The following ITSN1 variants were observed in gnomAD, a reference collection of about 807,000 sequenced individuals.
ITSN1 encodes the protein intersectin-1.
A neutral mutation model predicts 239.8 loss-of-function variants in ITSN1; 58 were observed. The ratio of observed to expected loss-of-function variants is 0.24; its 90% CI spans 0.20 to 0.30. ITSN1 has a LOEUF of 0.30. ITSN1 is among the 10% of genes least tolerant of loss of function. The pLI, the probability that ITSN1 is intolerant of heterozygous loss-of-function variation, is 1.00. For missense variants in ITSN1, 1,558 were observed against 2,103.3 expected (o/e 0.74, Z 5.07); for synonymous variants, 780 against 770.8 (o/e 1.01, Z -0.20).
intron 20 of ITSN1, among the ~76,000 whole-genome samples, chr21:33,805,315 A>C (rs998986408): frequency 6.6e-6 from 1 of 152,228 alleles, no homozygotes; most frequent in Non-Finnish European, 1.5e-5. Context: ...TACTCTTATA[A>C]CAATTTTTAA....
At chr21:33,790,918 C>A (rs1476631275) in intron 16 of ITSN1, among the ~76,000 whole-genome samples, 4 of 152,130 alleles carry the variant, frequency 2.6e-5, no homozygotes, top group Non-Finnish European at 5.9e-5. Context: ...TGTAACTGTA[C>A]TTGAGTCTCT....
chr21:33,862,706 T>C (rs1465068459), intron 31 of ITSN1, among the ~76,000 whole-genome samples: 21 of 152,314 alleles, frequency 1.4e-4, no homozygotes, highest in Non-Finnish European at 1.5e-5. Context: ...GTCCCAACCA[T>C]GGGCTCTGGA....
chr21:33,836,838 G>T, intron 29 of ITSN1: 1 of 704,136 alleles, frequency 1.4e-6, no homozygotes. Context: ...TCCTTCTGTA[G>T]CATGTCCCCT....
chr21:33,682,412 T>A (rs1379651078), intron 1 of ITSN1, among the ~76,000 whole-genome samples: 2 of 151,730 alleles, frequency 1.3e-5, no homozygotes, highest in Non-Finnish European at 2.9e-5. Context: ...GCGGGGTTTC[T>A]CCATGTTGGT....
At chr21:33,762,330 G>A (rs547855373) in intron 9 of ITSN1, among the ~76,000 whole-genome samples, 2 of 150,850 alleles carry the variant, frequency 1.3e-5, no homozygotes, top group South Asian at 2.1e-4. Flanking sequence ...GCAGTGGTAC[G>A]ATCTCGGCTC....
intron 34 of ITSN1, among the ~76,000 whole-genome samples, chr21:33,881,232 C>G (rs929775954): frequency 6.6e-6 from 1 of 151,896 alleles, no homozygotes; most frequent in African/African-American, 2.4e-5. Flanking sequence ...ATGGTGAAAC[C>G]CCGTCTCTAC....
At chr21:33,690,101 T>C (rs1185376099) in intron 1 of ITSN1, among the ~76,000 whole-genome samples, 1 of 147,472 alleles carries the variant, frequency 6.8e-6, no homozygotes, top group Non-Finnish European at 1.5e-5. Context: ...CTGGCCAACA[T>C]AGTGAAACCT....
Position 33,884,979 on chromosome 21 carries a change from A to G in ITSN1, c.4677-62A>G, listed in dbSNP as rs1985541013. 16 of 1,215,254 alleles carry G rather than the reference A, an allele frequency of 1.3e-5. No individual in the cohort carries two copies. The South Asian group carries it at 1.8e-4, about 14-fold the overall frequency. 75.3% of individuals were successfully genotyped at this position (1,215,254 alleles called of 1,614,324 possible). On this transcript the variant is annotated intron_variant, in intron 36 of 39. Transcript: ENST00000381318. ...ACAGAGTCCTGGCAACAGTGTTTGA[A>G]CAGACCTGAAGCCTTTTTCCTGAGT...
chr21:33,836,153 G>A (rs562571589), intron 28 of ITSN1, among the ~76,000 whole-genome samples: 25 of 152,276 alleles, frequency 1.6e-4, no homozygotes, highest in South Asian at 1.2e-3. Flanking sequence ...CACTCAAAAC[G>A]AAAGCCCTCG....
intron 4 of ITSN1, among the ~76,000 whole-genome samples, chr21:33,727,607 CAA>C (rs201596116): frequency 5.3e-4 from 37 of 69,690 alleles, no homozygotes; most frequent in Admixed American, 8.3e-4. Flanking sequence ...TAAACTCATA[CAA>C]AAAAAAAAAA....
intron 34 of ITSN1, among the ~76,000 whole-genome samples, chr21:33,879,869 G>A (rs1454267662): frequency 2.6e-5 from 4 of 152,296 alleles, no homozygotes; most frequent in East Asian, 1.9e-4. Flanking sequence ...TAGTAGAGAC[G>A]GGGTTTCGCC....
chr21:33,795,884 C>T (rs1044395112), intron 17 of ITSN1, among the ~76,000 whole-genome samples: 3 of 149,294 alleles, frequency 2.0e-5, no homozygotes, highest in Non-Finnish European at 3.0e-5. Flanking sequence ...TGCAAATTAA[C>T]GTCAGAAATT....
intron 33 of ITSN1, among the ~76,000 whole-genome samples, chr21:33,871,723 G>A (rs1165658500): frequency 6.7e-6 from 1 of 149,258 alleles, no homozygotes; most frequent in Non-Finnish European, 1.5e-5. Flanking sequence ...CCTGGCGACA[G>A]AGCGAGACTC....
At position 33,858,804 on chromosome 21, in the gene ITSN1, C is replaced by A; in HGVS notation, c.3890+12C>A. On this transcript the variant is annotated intron_variant, in intron 31 of 39. Coordinates refer to ENST00000381318, the MANE Select transcript of ITSN1 (RefSeq NM_003024.3). ...ATCAAACTACTAAAGTAAGCCTCTC[C>A]TCTAATCCCCAGCCTGGCTTGGCCT... The A allele has an allele frequency of 1.3e-6, 2 of 1,549,450 alleles. No individual in the cohort carries two copies. Among genetic ancestry groups the A allele is most frequent in the Non-Finnish European group, 1.8e-6 (2 of 1,122,770 alleles).
At chr21:33,836,392 G>T (rs769291546) in intron 28 of ITSN1, 49 bp from the exon 29 acceptor site, 1 of 1,415,988 alleles carries the variant, frequency 7.1e-7, no homozygotes, top group Non-Finnish European at 9.6e-7. Flanking sequence ...TACCCGTTGT[G>T]CATTCTCCGG....
chr21:33,689,987 TAAAAA>T (rs926602859), intron 1 of ITSN1, among the ~76,000 whole-genome samples: 1 of 137,420 alleles, frequency 7.3e-6, no homozygotes, highest in Non-Finnish European at 1.6e-5. Flanking sequence ...AAAAAATAAT[TAAAAA>T]AAAAAATAAG....
chr21:33,844,064 AAGATTGGAC>A (rs1179615901), intron 29 of ITSN1, among the ~76,000 whole-genome samples: 2 of 152,322 alleles, frequency 1.3e-5, no homozygotes, highest in East Asian at 3.9e-4. Context: ...TCAGAGAGAA[AAGATTGGAC>A]AGCTTCCCTA....
At position 33,892,239 on chromosome 21, in the gene ITSN1, G is replaced by GCC. The variant is rs909083307; in HGVS notation, c.*3942_*3943dup. The GCC allele has an allele frequency of 6.6e-6, 1 of 152,230 alleles. No individual in the cohort carries two copies. The highest frequency in any genetic ancestry group is 1.5e-5 in the Non-Finnish European group (1 of 68,044). The allele number at this position is 152,230 out of a possible 1,614,324, so 9.4% of individuals were successfully genotyped here. A position where few individuals can be genotyped will look rare whatever the true frequency, so the allele number is the denominator to read the frequency against. On this transcript the variant is annotated 3_prime_UTR_variant, in exon 40 of 40. Coordinates refer to ENST00000381318, the MANE Select transcript of ITSN1 (RefSeq NM_003024.3). Reference sequence around the variant, plus strand: ...ACACCAGGCAGAAGCATAACCAGTAGCCCCAGAAACCGGTAGCATGATGAA... The same window carrying GCC: ...ACACCAGGCAGAAGCATAACCAGTAGCCCCCCAGAAACCGGTAGCATGATGAA...
At position 33,895,806 on chromosome 21, in the gene ITSN1, T is replaced by C. The variant is rs1327972458; in HGVS notation, c.*7506T>C. On this transcript the variant is annotated 3_prime_UTR_variant, in exon 40 of 40. Coordinates refer to ENST00000381318, the MANE Select transcript of ITSN1 (RefSeq NM_003024.3). Reference sequence around the variant, plus strand: ...GAGAGGGAAACAGGAAATACGTTGCTCCACAGTCCTGTCATCCTGGTCAGG... The same window carrying C: ...GAGAGGGAAACAGGAAATACGTTGCCCCACAGTCCTGTCATCCTGGTCAGG... 2.0e-5 allele frequency: 3 copies of C among 152,256 alleles called. No homozygotes were observed. Among genetic ancestry groups the C allele is most frequent in the Admixed American group, 1.3e-4 (2 of 15,288 alleles). 9.4% of individuals were successfully genotyped at this position (152,256 alleles called of 1,614,324 possible). A position where few individuals can be genotyped will look rare whatever the true frequency, so the allele number is the denominator to read the frequency against.
Sources: allele counts gnomAD v4.1 joint callset (sites outside exome capture counted in the v4.1 genomes callset), GRCh38; gene constraint gnomAD v4.1.1; transcripts MANE v1.5; gene names NCBI Gene and HGNC (gene_info 2026-07-23, HGNC 2026-07-21).